ENAH: variants seen among roughly 807,000 people sequenced by gnomAD.
ENAH encodes ENAH actin regulator.
ENAH carries 23 observed loss-of-function variants against 78.7 expected under a neutral mutation model. That is an observed-to-expected ratio of 0.29 (90% CI 0.21 to 0.41). The LOEUF (loss-of-function observed/expected upper bound fraction) is 0.41, where lower values mean the gene tolerates loss of function less well. ENAH is among the 10% of genes least tolerant of loss of function. The pLI, the probability that ENAH is intolerant of heterozygous loss-of-function variation, is 1.00. For missense variants in ENAH, 544 were observed against 691.0 expected, an observed-to-expected ratio of 0.79 and a Z score of 2.39; for synonymous variants, 226 against 241.0, an observed-to-expected ratio of 0.94 and a Z score of 0.58.
intron 12 of ENAH, 23 bp from the exon 13 acceptor site, chr1:225,498,427 C>A: frequency 1.4e-6 from 2 of 1,408,404 alleles, no homozygotes; most frequent in South Asian, 1.2e-5. Context: ...AGAAAAATAC[C>A]AGAAATACAG....
At chr1:225,541,270 TA>T (rs1198224623) in intron 3 of ENAH, among the ~76,000 whole-genome samples, 1 of 124,116 alleles carries the variant, frequency 8.1e-6, no homozygotes, top group Non-Finnish European at 1.7e-5. Context: ...CCGTCTCTAC[TA>T]AAAATACAAA....
chr1:225,508,897 C>T (rs914876571), intron 10 of ENAH, among the ~76,000 whole-genome samples: 1 of 152,162 alleles, frequency 6.6e-6, no homozygotes, highest in Non-Finnish European at 1.5e-5. Flanking sequence ...GGCTTTTGCA[C>T]ATTCTCAGGT....
At chr1:225,498,280 ATTTTC>A in intron 13 of ENAH, 62 bp downstream of exon 13, 1 of 1,317,590 alleles carries the variant, frequency 7.6e-7, no homozygotes, top group Non-Finnish European at 1.1e-6. Context: ...CCTTATTTGC[ATTTTC>A]TTAAAAATGG....
Position 225,567,361 on chromosome 1 carries a change from T to A in ENAH, c.59A>T (p.Asn20Ile), listed in dbSNP as rs149009967. The A allele has an allele frequency of 6.2e-7, 1 of 1,614,152 alleles. No homozygotes were observed. Among genetic ancestry groups the A allele is most frequent in the Non-Finnish European group, 8.5e-7 (1 of 1,180,010 alleles). Residue 20 changes from asparagine (N) to isoleucine (I), a missense_variant, in exon 2 of 14, where the codon AAT (asparagine) becomes ATT (isoleucine). Coordinates refer to ENST00000366843, the MANE Select transcript of ENAH (RefSeq NM_018212.6). ...GCCACCAGCTGGCACCCACTTCTTA[T>A]TGGCATCATCATAAACCATCACAGC... ...RAAVMVYDDA[N>I]KKWVPAGGST...
intron 2 of ENAH, among the ~76,000 whole-genome samples, chr1:225,564,450 G>C (rs550477866): frequency 7.6e-5 from 11 of 145,582 alleles, no homozygotes; most frequent in Non-Finnish European, 1.4e-4. Context: ...CACCATGCCC[G>C]ACTATTTTTT....
chr1:225,514,761 AGGGGGCGGT>A lies in ENAH; in HGVS notation c.1044_1052del (p.Pro353_Pro355del). ...CTTGATTAGGGAGAGGAGGGGGAGG[AGGGGGCGGT>A]GGAGGCCCGGTGGATGGGAGTGGAG... On this transcript the variant is annotated inframe_deletion, in exon 7 of 14. Transcript: ENST00000366843. 4.3e-6 allele frequency: 1 copy of A among 231,832 alleles called. No homozygotes were observed. Among genetic ancestry groups the A allele is most frequent in the Non-Finnish European group, 6.1e-6 (1 of 162,708 alleles). 14.4% of individuals were successfully genotyped at this position (231,832 alleles called of 1,614,324 possible). A position where few individuals can be genotyped will look rare whatever the true frequency, so the allele number is the denominator to read the frequency against.
intron 1 of ENAH, among the ~76,000 whole-genome samples, chr1:225,598,945 G>C (rs1331785249): frequency 1.3e-5 from 2 of 151,940 alleles, no homozygotes; most frequent in Admixed American, 1.3e-4. Flanking sequence ...TGAGTAATTA[G>C]AGAAAAGGAT....
chr1:225,605,852 A>G (rs1410540862), intron 1 of ENAH, among the ~76,000 whole-genome samples: 2 of 152,202 alleles, frequency 1.3e-5, no homozygotes, highest in Non-Finnish European at 2.9e-5. Flanking sequence ...CTGCAAGCCA[A>G]GAAAGAGGCT....
At position 225,652,752 on chromosome 1, in the gene ENAH, G is replaced by A. The variant is rs376583227; in HGVS notation, c.-62C>T. 2.1e-5 allele frequency: 27 copies of A among 1,291,064 alleles called. No homozygotes were observed. In the Admixed American group the frequency reaches 3.7e-4, roughly 18 times the overall value. The allele number at this position is 1,291,064 out of a possible 1,614,324, so 80.0% of individuals were successfully genotyped here. On this transcript the variant is annotated 5_prime_UTR_variant, in exon 1 of 14. Coordinates refer to ENST00000366843, the MANE Select transcript of ENAH (RefSeq NM_018212.6). Reference sequence around the variant, plus strand: ...AGACGCAGAAGGCGCCGAGCCGAGGGGGGGGTCTCTCCTCCAGGGGTGGGG... The same window carrying A: ...AGACGCAGAAGGCGCCGAGCCGAGGAGGGGGTCTCTCCTCCAGGGGTGGGG...
At chr1:225,621,378 C>T (rs1417520841) in intron 1 of ENAH, among the ~76,000 whole-genome samples, 1 of 150,918 alleles carries the variant, frequency 6.6e-6, no homozygotes, top group Non-Finnish European at 1.5e-5. Context: ...CTGCAAGCTC[C>T]GCCTCCCGGG....
At chr1:225,512,741 A>G in intron 8 of ENAH, 27 bp from the exon 9 acceptor site, 3 of 1,612,358 alleles carry the variant, frequency 1.9e-6, no homozygotes, top group Non-Finnish European at 2.5e-6. Context: ...TCCGATTTTT[A>G]AAAATATTAT....
intron 1 of ENAH, among the ~76,000 whole-genome samples, chr1:225,626,836 A>G (rs1658030748): frequency 6.6e-6 from 1 of 152,252 alleles, no homozygotes; most frequent in African/African-American, 2.4e-5. Context: ...AATACACTAC[A>G]AAGGCACTGA....
intron 1 of ENAH, among the ~76,000 whole-genome samples, chr1:225,608,915 C>A (rs2096972839): frequency 6.6e-6 from 1 of 150,908 alleles, no homozygotes; most frequent in Non-Finnish European, 1.5e-5. Context: ...TTGAGTAATG[C>A]CTTCAAAATT....
chr1:225,612,288 C>A (rs761003714), intron 1 of ENAH, among the ~76,000 whole-genome samples: 10 of 152,080 alleles, frequency 6.6e-5, no homozygotes, highest in Admixed American at 1.3e-4. Flanking sequence ...CACGGATGAA[C>A]CCTGAAAACT....
chr1:225,635,112 A>G (rs887303025), intron 1 of ENAH, among the ~76,000 whole-genome samples: 2 of 152,232 alleles, frequency 1.3e-5, no homozygotes. Context: ...CTTTTCTTTC[A>G]ACAATATTTT....
intron 1 of ENAH, among the ~76,000 whole-genome samples, chr1:225,569,063 T>C (rs764186604): frequency 2.6e-4 from 39 of 152,210 alleles, no homozygotes; most frequent in Non-Finnish European, 3.4e-4. Flanking sequence ...TCAGTAGCAG[T>C]TGAAAAATCT....
chr1:225,635,149 T>C (rs1445810149), intron 1 of ENAH, among the ~76,000 whole-genome samples: 1 of 152,228 alleles, frequency 6.6e-6, no homozygotes, highest in Non-Finnish European at 1.5e-5. Context: ...AGTCTTTTAC[T>C]TCCTTGGTTA....
chr1:225,629,638 G>C (rs1163773147), intron 1 of ENAH, among the ~76,000 whole-genome samples: 2 of 151,574 alleles, frequency 1.3e-5, no homozygotes, highest in East Asian at 1.9e-4. Context: ...AGGAAAGTAA[G>C]CTCCTTAAGG....
chr1:225,531,771 A>G (rs889194981), intron 3 of ENAH, among the ~76,000 whole-genome samples: 1 of 152,102 alleles, frequency 6.6e-6, no homozygotes, highest in African/African-American at 2.4e-5. Flanking sequence ...AGATTTCACA[A>G]CCGGAAGTAA....
Sources: gnomAD v4.1 joint callset for allele counts (sites outside exome capture counted in the v4.1 genomes callset) on GRCh38, gnomAD v4.1.1 for gene constraint, MANE v1.5 for transcripts, NCBI Gene and HGNC (gene_info 2026-07-23, HGNC 2026-07-21) for gene names.